The following OSBPL5 variants were observed in gnomAD, a reference collection of about 807,000 sequenced individuals.
The protein encoded by OSBPL5 is oxysterol binding protein like 5.
In OSBPL5, 71 loss-of-function variants were observed where a neutral mutation model predicts 111.2. That is an observed-to-expected ratio of 0.64 (90% CI 0.53 to 0.78). The LOEUF is 0.78. Ranked by LOEUF, OSBPL5 falls within the 30% of genes least tolerant of loss-of-function variation. OSBPL5 has a pLI of 0.00. For missense variants in OSBPL5, 1,210 were observed against 1,189.3 expected (o/e 1.02, Z -0.26); for synonymous variants, 549 against 513.9 (o/e 1.07, Z -0.93).
intron 11 of OSBPL5, among the ~76,000 whole-genome samples, chr11:3,102,832 T>C (rs1236032369): frequency 6.6e-6 from 1 of 152,198 alleles, no homozygotes; most frequent in East Asian, 1.9e-4. Context: ...ACTGGAGTCC[T>C]GGGTTTGGGG....
chr11:3,103,878 CTGTAG>C (rs1857597164), intron 10 of OSBPL5, among the ~76,000 whole-genome samples: 1 of 16,874 alleles, frequency 5.9e-5, no homozygotes, highest in Non-Finnish European at 1.4e-4. Context: ...CTTCCTGCCT[CTGTAG>C]CCCCATTCCT....
chr11:3,116,826 G>T, intron 7 of OSBPL5, among the ~76,000 whole-genome samples: 1 of 138,206 alleles, frequency 7.2e-6, no homozygotes, highest in Non-Finnish European at 1.5e-5. Flanking sequence ...CTGCACTCCA[G>T]TCTGGGCAAC....
chr11:3,143,570 G>A (rs1846219380), intron 1 of OSBPL5, among the ~76,000 whole-genome samples: 1 of 152,218 alleles, frequency 6.6e-6, no homozygotes, highest in Non-Finnish European at 1.5e-5. Flanking sequence ...CGGATGAGCC[G>A]CAGAGATGCA....
At position 3,157,629 on chromosome 11, in the gene OSBPL5, C is replaced by G. The variant is rs376337806; in HGVS notation, c.-22+7587G>C. Among the ~76,000 whole-genome samples the G allele has an allele frequency of 4.6e-5, 7 of 152,380 alleles. No homozygotes were observed. The South Asian group carries it at 1.4e-3, about 32-fold the overall frequency. On this transcript the variant is annotated intron_variant, in intron 1 of 21. Coordinates refer to ENST00000263650, the MANE Select transcript of OSBPL5 (RefSeq NM_020896.4). ...AGGCCACTTCCTGCCACCCACATCA[C>G]TTTAGAGTGTGAGCACCCAGCAGCC...
At chr11:3,145,325 C>T (rs1008028160) in intron 1 of OSBPL5, among the ~76,000 whole-genome samples, 1 of 152,222 alleles carries the variant, frequency 6.6e-6, no homozygotes, top group African/African-American at 2.4e-5. Context: ...AGCTGTGCCA[C>T]CTCAGCAGGG....
At chr11:3,136,043 G>A (rs1300300580) in intron 1 of OSBPL5, among the ~76,000 whole-genome samples, 2 of 152,232 alleles carry the variant, frequency 1.3e-5, no homozygotes, top group African/African-American at 4.8e-5. Context: ...TGTGGTGCCA[G>A]CCCAGAGCAG....
At position 3,093,731 on chromosome 11, in the gene OSBPL5, G is replaced by A. The variant is rs762715160; in HGVS notation, c.1809+15C>T. 2.8e-5 allele frequency: 45 copies of A among 1,612,660 alleles called. No individual in the cohort carries two copies. The Middle Eastern group carries it at 8.2e-4, about 29-fold the overall frequency. ...GACCGCCCGGCCGTGCCTGCCCTGA[G>A]GGACGGCCCCTTACCCAGTGGCCAC... On this transcript the variant is annotated intron_variant, in intron 16 of 21. Transcript: ENST00000263650.
intron 21 of OSBPL5, 35 bp downstream of exon 21, chr11:3,089,811 C>T: frequency 6.5e-7 from 1 of 1,541,176 alleles, no homozygotes; most frequent in Non-Finnish European, 8.8e-7. Context: ...ACTCTCTGAC[C>T]CGGAGTCTGG....
At chr11:3,135,395 G>A (rs762571405) in intron 1 of OSBPL5, among the ~76,000 whole-genome samples, 25 of 152,082 alleles carry the variant, frequency 1.6e-4, no homozygotes, top group Admixed American at 8.5e-4. Flanking sequence ...GCCGGGGAAC[G>A]TTCTGGAGGG....
chr11:3,090,824 G>A, intron 19 of OSBPL5, 128 bp from the exon 20 acceptor site: 3 of 1,287,002 alleles, frequency 2.3e-6, no homozygotes, highest in Non-Finnish European at 2.1e-6. Context: ...GCAGCTGCTG[G>A]GCTGTGGAGC....
chr11:3,087,588 G>C lies in OSBPL5; in HGVS notation c.*617C>G, dbSNP rs1305926454. ...CCCACCAGAGCGAGCGTCCAGGTGT[G>C]GGGGTGGGGTGGTTCCAGGACCTGC... is the stretch of plus-strand genomic sequence containing the variant. On this transcript the variant is annotated 3_prime_UTR_variant, in exon 22 of 22. Coordinates refer to ENST00000263650, the MANE Select transcript of OSBPL5 (RefSeq NM_020896.4). 2.0e-5 allele frequency: 3 copies of C among 153,366 alleles called. No homozygotes were observed. The highest frequency in any genetic ancestry group is 2.1e-4 in the South Asian group (1 of 4,872). The allele number at this position is 153,366 out of a possible 1,614,324, so 9.5% of individuals were successfully genotyped here. A position where few individuals can be genotyped will look rare whatever the true frequency, so the allele number is the denominator to read the frequency against.
rs373619040 is a variant in OSBPL5 at position 3,147,285 on chromosome 11, C to G, written c.-22+17931G>C. Among the ~76,000 whole-genome samples the G allele has an allele frequency of 3.3e-4, 51 of 152,354 alleles. 1 individual carries two copies. In the South Asian group the frequency reaches 7.9e-3, roughly 24 times the overall value. ...GGAGGAGGGGGAGTGGGCGCCAGCT[C>G]CAGGACTGGATGTGTCTGACAGCCT... On this transcript the variant is annotated intron_variant, in intron 1 of 21. Transcript: ENST00000263650.
chr11:3,157,184 C>T (rs1456049279), intron 1 of OSBPL5, among the ~76,000 whole-genome samples: 3 of 152,236 alleles, frequency 2.0e-5, no homozygotes, highest in South Asian at 2.1e-4. Flanking sequence ...AGCAGACTCA[C>T]GGCCCACGAG....
intron 7 of OSBPL5, among the ~76,000 whole-genome samples, chr11:3,115,298 A>T (rs12806967): frequency 6.6e-5 from 10 of 152,182 alleles, no homozygotes; most frequent in South Asian, 6.2e-4. Context: ...AGATATTAAA[A>T]TTTTTTTTAA....
chr11:3,137,949 G>A (rs79232184), intron 1 of OSBPL5, among the ~76,000 whole-genome samples: 23 of 152,348 alleles, frequency 1.5e-4, no homozygotes, highest in African/African-American at 5.3e-4. Flanking sequence ...TGGAGCTGAG[G>A]GGGAGGCCAG....
At chr11:3,144,274 C>T (rs924140510) in intron 1 of OSBPL5, among the ~76,000 whole-genome samples, 1 of 152,172 alleles carries the variant, frequency 6.6e-6, no homozygotes, top group African/African-American at 2.4e-5. Context: ...ACAATGAGAG[C>T]CCCAGGGAAG....
intron 1 of OSBPL5, chr11:3,164,108 T>A (rs1847042556): frequency 6.6e-6 from 1 of 152,236 alleles, no homozygotes; most frequent in South Asian, 2.1e-4. Context: ...TCCCAAAGGC[T>A]GGCCCACTTC....
intron 2 of OSBPL5, among the ~76,000 whole-genome samples, chr11:3,128,352 C>T (rs935186159): frequency 6.6e-6 from 1 of 152,208 alleles, no homozygotes; most frequent in Non-Finnish European, 1.5e-5. Flanking sequence ...GCCCCTACCT[C>T]CTACTCTCAG....
intron 13 of OSBPL5, 98 bp downstream of exon 13, chr11:3,101,505 A>T: frequency 8.8e-7 from 1 of 1,137,898 alleles, no homozygotes; most frequent in South Asian, 1.4e-5. Context: ...GGACAGGCAC[A>T]TGGCCCCCAT....
Sources: allele counts gnomAD v4.1 joint callset (sites outside exome capture counted in the v4.1 genomes callset), GRCh38; gene constraint gnomAD v4.1.1; transcripts MANE v1.5; gene names NCBI Gene and HGNC (gene_info 2026-07-23, HGNC 2026-07-21).